The following PHF2 variants were observed in gnomAD, a reference collection of about 807,000 sequenced individuals.
The protein encoded by PHF2 is lysine-specific demethylase PHF2.
PHF2 carries 27 observed loss-of-function variants against 120.5 expected under a neutral mutation model. The ratio of observed to expected loss-of-function variants is 0.22; its 90% CI spans 0.17 to 0.31. The LOEUF (loss-of-function observed/expected upper bound fraction) is 0.31. Among genes scored for constraint, PHF2 ranks in the 10% least tolerant of loss-of-function variants. The probability of loss-of-function intolerance (pLI) is 1.00; values close to 1 mark genes in which losing one functional copy is unlikely to be tolerated. For synonymous variants in PHF2, 568 were observed against 592.5 expected (o/e 0.96, Z 0.60); for missense variants, 1,024 against 1,434.8 (o/e 0.71, Z 4.63).
At chr9:93,669,356 A>G (rs1219889158) in intron 17 of PHF2, among the ~76,000 whole-genome samples, 4 of 152,190 alleles carry the variant, frequency 2.6e-5, no homozygotes, top group South Asian at 4.1e-4. Context: ...TTCTGCGGAG[A>G]TGTCAGTGAG....
chr9:93,672,522 G>A (rs968999076), intron 17 of PHF2: 1 of 984,636 alleles, frequency 1.0e-6, no homozygotes, highest in Non-Finnish European at 1.2e-6. Context: ...GTAGGTACAG[G>A]TGCAGATGCA....
At chr9:93,602,371 G>A (rs1825458260) in intron 1 of PHF2, among the ~76,000 whole-genome samples, 1 of 146,914 alleles carries the variant, frequency 6.8e-6, no homozygotes, top group African/African-American at 2.5e-5. Context: ...TCCTGTCTCA[G>A]CCTCCTGAGT....
chr9:93,648,579 A>T (rs1264099103), intron 4 of PHF2, among the ~76,000 whole-genome samples: 1 of 152,186 alleles, frequency 6.6e-6, no homozygotes, highest in Non-Finnish European at 1.5e-5. Context: ...TTTCCTCCTC[A>T]GCTCATCTGG....
chr9:93,584,031 T>C (rs922781989), intron 1 of PHF2, among the ~76,000 whole-genome samples: 1 of 152,166 alleles, frequency 6.6e-6, no homozygotes, highest in African/African-American at 2.4e-5. Flanking sequence ...TTTCTCCATG[T>C]TGGTCAGGCT....
rs1271059529 is a variant in PHF2 at position 93,656,838 on chromosome 9, G to A, written c.1147+243G>A. ...TGTTTTAGAACGAACACTGGGCTGT[G>A]GGTTGAGAGGGGTGAGTGTGCATGG... On this transcript the variant is annotated intron_variant, in intron 9 of 21. Transcript: ENST00000359246. This position sits in a 1 kb window ranked among gnomAD's most constrained non-coding sequence, Gnocchi z 4.1. 6.6e-6 allele frequency among the ~76,000 whole-genome samples: 1 copy of A among 152,206 alleles called. No individual in the cohort carries two copies. The highest frequency in any genetic ancestry group is 2.4e-5 in the African/African-American group (1 of 41,448).
intron 1 of PHF2, among the ~76,000 whole-genome samples, chr9:93,624,823 A>ATGGTGATGATGATGATGG (rs1825885372): frequency 6.9e-6 from 1 of 144,418 alleles, no homozygotes; most frequent in South Asian, 2.3e-4. Flanking sequence ...GGTGATGATG[A>ATGGTGATGATGATGATGG]TGGTGATGAT....
rs1419119348 is a variant in PHF2, at chr9:93,656,667, GCTGA to G, written c.1147+76_1147+79del. On this transcript the variant is annotated intron_variant, in intron 9 of 21. Transcript: ENST00000359246. The surrounding 1 kb of genome is among the most constrained non-coding windows in gnomAD (Gnocchi z 4.1). The stretch of plus-strand genomic sequence containing the variant: ...GTGGGGGCAGCCAGACCTGGTCAGG[GCTGA>G]CTGTCTGGGTGTGAGTGCCGCCTTC... The G allele has an allele frequency of 2.9e-6, 3 of 1,048,996 alleles. No individual in the cohort carries two copies. Among genetic ancestry groups the G allele is most frequent in the Non-Finnish European group, 4.4e-6 (3 of 679,852 alleles). The allele number at this position is 1,048,996 out of a possible 1,614,324, so 65.0% of individuals were successfully genotyped here.
At chr9:93,610,461 A>G (rs1445106577) in intron 1 of PHF2, among the ~76,000 whole-genome samples, 1 of 152,008 alleles carries the variant, frequency 6.6e-6, no homozygotes, top group Non-Finnish European at 1.5e-5. Flanking sequence ...ATTCTTTCTT[A>G]GTGTCTCAAT....
At chr9:93,637,455 C>T (rs920678774) in intron 3 of PHF2, among the ~76,000 whole-genome samples, 8 of 152,148 alleles carry the variant, frequency 5.3e-5, no homozygotes, top group Non-Finnish European at 8.8e-5. Flanking sequence ...TATACATCAT[C>T]CCTGTCTTCT....
chr9:93,591,526 C>T (rs949400853), intron 1 of PHF2, among the ~76,000 whole-genome samples: 1 of 152,184 alleles, frequency 6.6e-6, no homozygotes, highest in Non-Finnish European at 1.5e-5. Flanking sequence ...ACTGAAGCTG[C>T]ACAGTGAGTT....
chr9:93,676,973 CT>C lies in PHF2; in HGVS notation c.3202+11del, dbSNP rs1454094844. 1 of 1,523,608 alleles carries C rather than the reference CT, an allele frequency of 6.6e-7. No individual in the cohort carries two copies. Among genetic ancestry groups the C allele is most frequent in the African/African-American group, 1.4e-5 (1 of 73,164 alleles). The allele number at this position is 1,523,608 out of a possible 1,614,324, so 94.4% of individuals were successfully genotyped here. A position where few individuals can be genotyped will look rare whatever the true frequency, so the allele number is the denominator to read the frequency against. On this transcript the variant is annotated intron_variant, in intron 21 of 21. Transcript: ENST00000359246. ...AACACCGCTGCCAAAGGTACTGTGC[CT>C]GCTGGAGGGAGCCTGCAGCCCCCCT...
At chr9:93,652,584 C>T (rs7045506) in intron 5 of PHF2, among the ~76,000 whole-genome samples, 9,834 of 152,230 alleles carry the variant, frequency 0.065, 394 homozygotes, top group Middle Eastern at 0.11. Flanking sequence ...AGCCACCATG[C>T]CCAGCCTAGT....
intron 1 of PHF2, among the ~76,000 whole-genome samples, chr9:93,590,235 T>C (rs963612189): frequency 1.3e-5 from 2 of 152,268 alleles, no homozygotes; most frequent in Admixed American, 6.5e-5. Context: ...TATGGTTTAA[T>C]GTGCAGTTAT....
intron 4 of PHF2, among the ~76,000 whole-genome samples, chr9:93,647,325 T>C (rs1329971752): frequency 1.3e-5 from 2 of 152,230 alleles, no homozygotes; most frequent in East Asian, 1.9e-4. Flanking sequence ...GGCCCTGGGC[T>C]CACCTAATCA....
chr9:93,593,304 G>A (rs983924910), intron 1 of PHF2, among the ~76,000 whole-genome samples: 66 of 152,120 alleles, frequency 4.3e-4, no homozygotes, highest in Non-Finnish European at 4.7e-4. Context: ...GTATGGTGGG[G>A]GCTGAGGACA....
intron 1 of PHF2, among the ~76,000 whole-genome samples, chr9:93,579,092 G>A (rs1385936745): frequency 6.6e-6 from 1 of 152,172 alleles, no homozygotes; most frequent in African/African-American, 2.4e-5. Context: ...GGTTGGTGGT[G>A]TTGGTACAGC....
At chr9:93,653,771 G>C (rs1001301107) in intron 6 of PHF2, among the ~76,000 whole-genome samples, 1 of 152,220 alleles carries the variant, frequency 6.6e-6, no homozygotes, top group African/African-American at 2.4e-5. Context: ...CATCATCGAG[G>C]CTGAGAGAGG....
At chr9:93,662,125 G>A (rs1323704749) in intron 12 of PHF2, among the ~76,000 whole-genome samples, 1 of 151,312 alleles carries the variant, frequency 6.6e-6, no homozygotes, top group Non-Finnish European at 1.5e-5. Flanking sequence ...ATAAATGGAT[G>A]AATGAATGGA....
At chr9:93,595,579 G>A (rs979052924) in intron 1 of PHF2, among the ~76,000 whole-genome samples, 1 of 152,246 alleles carries the variant, frequency 6.6e-6, no homozygotes, top group African/African-American at 2.4e-5. Flanking sequence ...CTGCACATAT[G>A]TCTGAGCGTT....
Sources: allele counts gnomAD v4.1 joint callset (sites outside exome capture counted in the v4.1 genomes callset), GRCh38; gene constraint gnomAD v4.1.1; non-coding constraint Gnocchi (gnomAD v3.1); transcripts MANE v1.5; gene names NCBI Gene and HGNC (gene_info 2026-07-23, HGNC 2026-07-21).